The following KMT2B variants were observed in gnomAD, a reference collection of about 807,000 sequenced individuals.
The protein encoded by KMT2B is histone-lysine N-methyltransferase 2B.
Under a neutral mutation model 255.3 loss-of-function variants are expected in KMT2B, and 22 were observed. The observed-to-expected ratio is 0.09, with a 90% CI of 0.06 to 0.12. The LOEUF (loss-of-function observed/expected upper bound fraction) is 0.12. KMT2B is among the 10% of genes least tolerant of loss of function. The pLI, the probability that KMT2B is intolerant of heterozygous loss-of-function variation, is 1.00. For missense variants in KMT2B, 3,149 were observed against 3,737.0 expected, an observed-to-expected ratio of 0.84 and a Z score of 4.10; for synonymous variants, 1,730 against 1,498.1, an observed-to-expected ratio of 1.15 and a Z score of -3.57.
rs1010777622 is a variant in KMT2B at position 35,721,313 on chromosome 19, G to A, written c.1966G>A (p.Glu656Lys). The A allele has an allele frequency of 2.5e-5, 39 of 1,550,324 alleles. No homozygotes were observed. Among genetic ancestry groups the A allele is most frequent in the South Asian group, 9.5e-5 (8 of 84,240 alleles). Residue 656 changes from glutamate to lysine, a missense_variant, in exon 3 of 37, where the codon GAA (glutamate) becomes AAA (lysine). By Grantham distance (56) the Glu-to-Lys change is moderately conservative. This residue lies in a region of KMT2B where 1,188 missense variants were observed against 1,106.4 expected (regional missense o/e 1.07). Transcript: ENST00000420124. ...TCGGGCCCCTCAGTTTACCCCAAGC[G>A]AAGCCCACCTGAAGATCTACGAATC... The part of the protein sequence containing the change: ...LLRAPQFTPS[E>K]AHLKIYESVL...
rs11670996 is a variant in KMT2B, at chr19:35,732,977, C to T, written c.6428C>T (p.Ala2143Val). 1 of 1,602,662 alleles carries T rather than the reference C, an allele frequency of 6.2e-7. No individual in the cohort carries two copies. The highest frequency in any genetic ancestry group is 1.1e-5 in the South Asian group (1 of 89,406). The change falls in exon 28 of 37, where the codon GCT becomes GTT. Residue 2143 changes from alanine to valine, a missense_variant. Physicochemically the swap from Ala to Val is moderately conservative, Grantham distance 64. This residue lies in a region of KMT2B where 897 missense variants were observed against 825.3 expected (regional missense o/e 1.09). Coordinates refer to ENST00000420124, the MANE Select transcript of KMT2B (RefSeq NM_014727.3). ...EESLPPAPPL[A>V]NGSQPSQGLT... ...TCACTCCCCCCGGCGCCTCCCCTGGCTAATGGCAGCCAGCCCTCCCAAGGC... is the reference window on the plus strand; with the variant it reads ...TCACTCCCCCCGGCGCCTCCCCTGGTTAATGGCAGCCAGCCCTCCCAAGGC...
In KMT2B at chr19:35,727,428, G is replaced by T. The variant is rs760551140; in HGVS notation, c.4118-10G>T. 3 of 1,613,070 alleles carry T rather than the reference G, an allele frequency of 1.9e-6. No individual in the cohort carries two copies. Among genetic ancestry groups the T allele is most frequent in the African/African-American group, 2.7e-5 (2 of 74,926 alleles). On this transcript the variant is annotated splice_polypyrimidine_tract_variant and intron_variant, in intron 15 of 36. Transcript: ENST00000420124. This position sits in a 1 kb window ranked among gnomAD's most constrained non-coding sequence, Gnocchi z 4.2. ...AAACCACTTTTCCCTTTCCCACTTGGCTATCCTAGATGAAGACTACGAGAT... is the reference window on the plus strand; with the variant it reads ...AAACCACTTTTCCCTTTCCCACTTGTCTATCCTAGATGAAGACTACGAGAT...
intron 9 of KMT2B, 97 bp from the exon 10 acceptor site, chr19:35,724,892 G>T: frequency 8.7e-7 from 1 of 1,155,242 alleles, no homozygotes; most frequent in Admixed American, 1.9e-5. Context: ...TCTGGATCAG[G>T]GTCTGGGTCC....
rs867751548 is a variant in KMT2B, at chr19:35,725,475, C to T, written c.3643-4C>T. On this transcript the variant is annotated splice_polypyrimidine_tract_variant and splice_region_variant and intron_variant, in intron 11 of 36. Coordinates refer to ENST00000420124, the MANE Select transcript of KMT2B (RefSeq NM_014727.3). The surrounding 1 kb of genome is among the most constrained non-coding windows in gnomAD (Gnocchi z 4.1). ...CATCATTCACTCCTTTACCCTGTCC[C>T]CAGCTGGTGTTCTGTCAAGTCTGCT... 2 of 1,610,470 alleles carry T rather than the reference C, an allele frequency of 1.2e-6. No individual in the cohort carries two copies. Among genetic ancestry groups the T allele is most frequent in the Non-Finnish European group, 1.7e-6 (2 of 1,179,880 alleles).
rs760082430 is a variant in KMT2B at position 35,729,227 on chromosome 19, G to A, written c.4848G>A (p.Ala1616=). The change falls in exon 22 of 37, where the codon GCG becomes GCA. Residue 1616 remains alanine (A), a synonymous_variant. Transcript: ENST00000420124. The part of the protein sequence containing the change: ...WTHVNCAIWS[A]EVFEENDGSL... Reference sequence around the variant, plus strand: ...ACGTCAACTGTGCCATCTGGTCGGCGGAAGTCTTCGAGGAGAACGACGGCT... The same window carrying A: ...ACGTCAACTGTGCCATCTGGTCGGCAGAAGTCTTCGAGGAGAACGACGGCT... 7.5e-6 allele frequency: 12 copies of A among 1,609,426 alleles called. No individual in the cohort carries two copies. The highest frequency in any genetic ancestry group is 5.3e-5 in the African/African-American group (4 of 74,822).
In KMT2B at chr19:35,720,269, G is replaced by A. The variant is rs559996327; in HGVS notation, c.922G>A (p.Val308Ile). The A allele has an allele frequency of 1.6e-5, 26 of 1,613,178 alleles. 1 individual carries two copies. The South Asian group carries it at 2.7e-4, about 17-fold the overall frequency. Residue 308 changes from valine to isoleucine, a missense_variant, in exon 3 of 37, where the codon GTT becomes ATT. Physicochemically the swap from Val to Ile is conservative, Grantham distance 29 (BLOSUM62 3). Around this residue, in one of 18 missense-constraint regions of KMT2B, gnomAD observed 1,188 missense variants for 1,106.4 expected, o/e 1.07. Coordinates refer to ENST00000420124, the MANE Select transcript of KMT2B (RefSeq NM_014727.3). ...GGGLPFVIKF[V>I]SRAKKVKMGQ... Reference sequence around the variant, plus strand: ...TGGGCTCCCCTTTGTGATCAAGTTTGTTTCAAGGGCCAAAAAAGTAAAGAT... The same window carrying A: ...TGGGCTCCCCTTTGTGATCAAGTTTATTTCAAGGGCCAAAAAAGTAAAGAT...
intron 30 of KMT2B, chr19:35,736,479 C>T: frequency 1.0e-5 from 6 of 597,006 alleles, no homozygotes; most frequent in African/African-American, 9.3e-5. Flanking sequence ...AGAAGTCCTG[C>T]AGAAGAGGAG....
Position 35,733,962 on chromosome 19 carries a change from A to G in KMT2B, c.7159+90A>G. On this transcript the variant is annotated intron_variant, in intron 30 of 36. Coordinates refer to ENST00000420124, the MANE Select transcript of KMT2B (RefSeq NM_014727.3). This position sits in a 1 kb window ranked among gnomAD's most constrained non-coding sequence, Gnocchi z 4.3. ...GCAAAATCAGCCCTCTTTCAAAACC[A>G]GTATCTACTCCCAGGGGCCAAGCCT... is the stretch of plus-strand genomic sequence containing the variant. 2.2e-6 allele frequency: 2 copies of G among 894,114 alleles called. No homozygotes were observed. The highest frequency in any genetic ancestry group is 3.6e-6 in the Non-Finnish European group (2 of 562,634). 55.4% of individuals were successfully genotyped at this position (894,114 alleles called of 1,614,324 possible).
rs1969057854 is a variant in KMT2B, at chr19:35,718,689, C to T, written c.363+308C>T. Among the ~76,000 whole-genome samples the T allele has an allele frequency of 6.6e-6, 1 of 152,220 alleles. No individual in the cohort carries two copies. Among genetic ancestry groups the T allele is most frequent in the Non-Finnish European group, 1.5e-5 (1 of 68,036 alleles). On this transcript the variant is annotated intron_variant, in intron 1 of 36. Coordinates refer to ENST00000420124, the MANE Select transcript of KMT2B (RefSeq NM_014727.3). This position sits in a 1 kb window ranked among gnomAD's most constrained non-coding sequence, Gnocchi z 5.0. The stretch of plus-strand genomic sequence containing the variant: ...GGTTTGGGCGAGGAGGCAGTGGGGA[C>T]TGCATGTCCAGCCAGTCGTGGTTGA...
rs1969666616 is a variant in KMT2B at position 35,730,955 on chromosome 19, C to G, written c.5437+88C>G. ...TGTTCCCCGCTCCCTTTTGGAAAGT[C>G]CAGGAGGCTTGCTTTTGCTTCAGTT... On this transcript the variant is annotated intron_variant, in intron 26 of 36. Transcript: ENST00000420124. 2.9e-6 allele frequency: 4 copies of G among 1,393,082 alleles called. No individual in the cohort carries two copies. In the South Asian group the frequency reaches 4.4e-5, roughly 15 times the overall value. The allele number at this position is 1,393,082 out of a possible 1,614,324, so 86.3% of individuals were successfully genotyped here. A position where few individuals can be genotyped will look rare whatever the true frequency, so the allele number is the denominator to read the frequency against.
Position 35,732,558 on chromosome 19 carries a change from C to G in KMT2B, c.6009C>G (p.Phe2003Leu). Residue 2003 changes from phenylalanine (F) to leucine (L), a missense_variant, in exon 28 of 37, where the codon TTC (phenylalanine) becomes TTG (leucine). This residue lies in a region of KMT2B where 897 missense variants were observed against 825.3 expected (regional missense o/e 1.09). Transcript: ENST00000420124. The part of the protein sequence containing the change: ...FAASLLGTEP[F>L]QEEIVAAGAM... Reference sequence around the variant, plus strand: ...CCAGCCTGCTGGGGACTGAGCCCTTCCAGGAAGAGATTGTAGCCGCTGGGG... The same window carrying G: ...CCAGCCTGCTGGGGACTGAGCCCTTGCAGGAAGAGATTGTAGCCGCTGGGG... The G allele has an allele frequency of 1.2e-6, 2 of 1,613,792 alleles. No homozygotes were observed. Among genetic ancestry groups the G allele is most frequent in the Non-Finnish European group, 1.7e-6 (2 of 1,179,862 alleles).
intron 22 of KMT2B, 87 bp from the exon 23 acceptor site, chr19:35,729,880 C>A: frequency 7.3e-7 from 1 of 1,364,090 alleles, no homozygotes; most frequent in Admixed American, 2.0e-5. Context: ...CCAGGCTAGA[C>A]AGGGACCCAT....
Position 35,725,164 on chromosome 19 carries a change from T to C in KMT2B, c.3529-56T>C. On this transcript the variant is annotated intron_variant, in intron 10 of 36. Coordinates refer to ENST00000420124, the MANE Select transcript of KMT2B (RefSeq NM_014727.3). The surrounding 1 kb of genome is among the most constrained non-coding windows in gnomAD (Gnocchi z 4.1). ...ATGACTGTGTCATCGAGAAGCCAGG[T>C]GGGTCTGCCTTGTATGCCTGGCGGC... is the stretch of plus-strand genomic sequence containing the variant. 6.3e-7 allele frequency: 1 copy of C among 1,576,452 alleles called. No homozygotes were observed. Among genetic ancestry groups the C allele is most frequent in the Non-Finnish European group, 8.7e-7 (1 of 1,146,368 alleles).
At position 35,733,632 on chromosome 19, in the gene KMT2B, G is replaced by A. The variant is rs758088530; in HGVS notation, c.6995G>A (p.Arg2332His). The change falls in exon 29 of 37, where the codon CGT becomes CAT. Residue 2332 changes from arginine (R) to histidine (H), a missense_variant. Arg to His is a conservative substitution (Grantham distance 29). Coordinates refer to ENST00000420124, the MANE Select transcript of KMT2B (RefSeq NM_014727.3). This position sits in a 1 kb window ranked among gnomAD's most constrained non-coding sequence, Gnocchi z 4.3. The stretch of plus-strand genomic sequence containing the variant: ...GTGAGGATGAAAACCCCCACAGTGC[G>A]TGGGGTCCTTGACCTGGATCGGCCT... ...SRVRMKTPTV[R>H]GVLDLDRPGE... The A allele has an allele frequency of 4.4e-6, 7 of 1,595,130 alleles. No individual in the cohort carries two copies. The highest frequency in any genetic ancestry group is 2.3e-5 in the East Asian group (1 of 43,996).
intron 31 of KMT2B, 34 bp from the exon 32 acceptor site, chr19:35,736,878 T>C: frequency 6.2e-7 from 1 of 1,613,762 alleles, no homozygotes; most frequent in South Asian, 1.1e-5. Flanking sequence ...TAAAACACCA[T>C]CCTGACTCAG....
At position 35,722,711 on chromosome 19, in the gene KMT2B, C is replaced by T; in HGVS notation, c.2715C>T (p.Ala905=). The change falls in exon 5 of 37, where the codon GCC becomes GCT. Residue 905 remains alanine, a synonymous_variant. Transcript: ENST00000420124. The part of the protein sequence containing the change: ...ALPLRDRQDL[A]TEDTSSASET... Reference sequence around the variant, plus strand: ...CTCTCCGGGATCGGCAGGACCTCGCCACAGAGGGTAGGTGGGGAGACTGGA... The same window carrying T: ...CTCTCCGGGATCGGCAGGACCTCGCTACAGAGGGTAGGTGGGGAGACTGGA... The T allele has an allele frequency of 6.3e-7, 1 of 1,597,872 alleles. No homozygotes were observed. Among genetic ancestry groups the T allele is most frequent in the East Asian group, 2.2e-5 (1 of 44,830 alleles).
chr19:35,727,159 A>C lies in KMT2B; in HGVS notation c.4007A>C (p.Asn1336Thr). Reference sequence around the variant, plus strand: ...TCCTTCTCTTCCCTTTCTCTAGGAAACTACTGCCCGATCTGTACACGCTGC... The same window carrying C: ...TCCTTCTCTTCCCTTTCTCTAGGAACCTACTGCCCGATCTGTACACGCTGC... ...PRCTQLYEKG[N>T]YCPICTRCYE... Residue 1336 changes from asparagine (N) to threonine (T), a missense_variant, in exon 15 of 37, where the codon AAC becomes ACC. Physicochemically the swap from Asn to Thr is moderately conservative, Grantham distance 65. Transcript: ENST00000420124. The surrounding 1 kb of genome is among the most constrained non-coding windows in gnomAD (Gnocchi z 4.2). 6.2e-7 allele frequency: 1 copy of C among 1,610,188 alleles called. No individual in the cohort carries two copies. Among genetic ancestry groups the C allele is most frequent in the Non-Finnish European group, 8.5e-7 (1 of 1,178,042 alleles).
Position 35,719,803 on chromosome 19 carries a change from G to A in KMT2B, c.456G>A (p.Arg152=). ...RSQRGRAPRG[R]GRKHKTTPLP... ...TTTTAGGTCGAGCGCCCCGAGGTCGGGGTCGCAAGCATAAGACGACCCCCC... is the reference window on the plus strand; with the variant it reads ...TTTTAGGTCGAGCGCCCCGAGGTCGAGGTCGCAAGCATAAGACGACCCCCC... Residue 152 remains arginine, a synonymous_variant, in exon 3 of 37, where the codon CGG becomes CGA. Coordinates refer to ENST00000420124, the MANE Select transcript of KMT2B (RefSeq NM_014727.3). 1 of 1,601,818 alleles carries A rather than the reference G, an allele frequency of 6.2e-7. No homozygotes were observed. The highest frequency in any genetic ancestry group is 8.5e-7 in the Non-Finnish European group (1 of 1,174,612).
At position 35,729,208 on chromosome 19, in the gene KMT2B, A is replaced by G. The variant is rs1969588208; in HGVS notation, c.4829A>G (p.Asn1610Ser). 5.0e-6 allele frequency: 8 copies of G among 1,612,640 alleles called. No homozygotes were observed. Among genetic ancestry groups the G allele is most frequent in the African/African-American group, 1.3e-5 (1 of 75,052 alleles). ...GGGCAGAACGAGTGGACACACGTCA[A>G]CTGTGCCATCTGGTCGGCGGAAGTC... ...YIGQNEWTHV[N>S]CAIWSAEVFE... The change falls in exon 22 of 37, where the codon AAC becomes AGC. Residue 1610 changes from asparagine to serine, a missense_variant. By Grantham distance (46) the Asn-to-Ser change is conservative (BLOSUM62 1). Coordinates refer to ENST00000420124, the MANE Select transcript of KMT2B (RefSeq NM_014727.3).
Sources: allele counts gnomAD v4.1 joint callset (sites outside exome capture counted in the v4.1 genomes callset), GRCh38; gene constraint gnomAD v4.1.1; regional missense constraint gnomAD v4.1.1; non-coding constraint Gnocchi (gnomAD v3.1); transcripts MANE v1.5; gene names NCBI Gene and HGNC (gene_info 2026-07-23, HGNC 2026-07-21).